The following PCDH15 variants were observed in gnomAD, a reference collection of about 807,000 sequenced individuals.
PCDH15 encodes the protein protocadherin related 15, also known as protocadherin-15.
In PCDH15, 129 loss-of-function variants were observed where a neutral mutation model predicts 178.5. That is an observed-to-expected ratio of 0.72 (90% CI 0.63 to 0.84). The LOEUF (loss-of-function observed/expected upper bound fraction) is 0.84, where lower values mean the gene tolerates loss of function less well. Ranked by LOEUF, PCDH15 falls within the 40% of genes least tolerant of loss-of-function variation. The pLI is 0.00. For synonymous variants in PCDH15, 800 were observed against 732.0 expected (o/e 1.09, Z -1.50); for missense variants, 2,230 against 2,099.9 (o/e 1.06, Z -1.21).
intron 29 of PCDH15, among the ~76,000 whole-genome samples, chr10:53,838,880 T>A (rs1044643746): frequency 4.0e-5 from 6 of 149,818 alleles, no homozygotes; most frequent in African/African-American, 1.5e-4. Flanking sequence ...GTTAGTATCC[T>A]GTTTTGCACA....
At chr10:55,618,022 TAGAA>T (rs1843514079) in intron 2 of PCDH15, among the ~76,000 whole-genome samples, 1 of 152,076 alleles carries the variant, frequency 6.6e-6, no homozygotes, top group East Asian at 1.9e-4. Context: ...ATAGTGTTTA[TAGAA>T]AGAAATACAA....
chr10:54,088,194 C>A (rs2094545005), intron 16 of PCDH15, among the ~76,000 whole-genome samples: 1 of 152,126 alleles, frequency 6.6e-6, no homozygotes, highest in Admixed American at 6.6e-5. Flanking sequence ...TTCAGTATCT[C>A]CACATTCTTA....
intron 2 of PCDH15, among the ~76,000 whole-genome samples, chr10:55,396,167 A>T (rs1283101158): frequency 2.0e-5 from 3 of 152,162 alleles, no homozygotes; most frequent in Non-Finnish European, 2.9e-5. Flanking sequence ...TCTCAGGTGA[A>T]ATATATCTTT....
At chr10:54,025,903 T>C (rs1295367584) in intron 18 of PCDH15, among the ~76,000 whole-genome samples, 1 of 152,148 alleles carries the variant, frequency 6.6e-6, no homozygotes, top group African/African-American at 2.4e-5. Flanking sequence ...TCTTCAGGCA[T>C]CCTCCTTCAC....
chr10:55,125,555 T>C (rs1036713409), intron 2 of PCDH15, among the ~76,000 whole-genome samples: 3 of 151,968 alleles, frequency 2.0e-5, no homozygotes, highest in Admixed American at 1.3e-4. Flanking sequence ...ACAGAATGTA[T>C]CCGGAGAAAC....
At chr10:54,469,549 A>G (rs954973650) in intron 3 of PCDH15, among the ~76,000 whole-genome samples, 2 of 151,994 alleles carry the variant, frequency 1.3e-5, no homozygotes, top group Non-Finnish European at 2.9e-5. Flanking sequence ...CTTGCTGGGG[A>G]CAGGGCCATC....
upstream of PCDH15, among the ~76,000 whole-genome samples, chr10:55,323,424 C>G (rs1031020421): frequency 1.3e-5 from 2 of 152,170 alleles, no homozygotes; most frequent in African/African-American, 2.4e-5. Flanking sequence ...CAGAGACACT[C>G]AACAACAGCC....
chr10:54,516,513 A>C (rs1272687285), intron 3 of PCDH15, among the ~76,000 whole-genome samples: 7 of 152,042 alleles, frequency 4.6e-5, no homozygotes, highest in African/African-American at 1.4e-4. Context: ...TTAGAGAAAA[A>C]AGAATAAAAA....
chr10:54,945,409 CAG>C (rs1838174513), intron 2 of PCDH15, among the ~76,000 whole-genome samples: 1 of 145,180 alleles, frequency 6.9e-6, no homozygotes, highest in South Asian at 2.2e-4. Flanking sequence ...AAACAAGACT[CAG>C]ATGACTACAC....
At chr10:54,423,695 C>T (rs1955848294) in intron 3 of PCDH15, among the ~76,000 whole-genome samples, 1 of 151,838 alleles carries the variant, frequency 6.6e-6, no homozygotes, top group African/African-American at 2.4e-5. Flanking sequence ...CCTTTGTTCT[C>T]TTTGTTTGTT....
intron 2 of PCDH15, among the ~76,000 whole-genome samples, chr10:55,041,283 T>C (rs1012262140): frequency 6.6e-6 from 1 of 152,098 alleles, no homozygotes; most frequent in Non-Finnish European, 1.5e-5. Flanking sequence ...CTAGCTAAAT[T>C]ACTTATCAAG....
At position 55,047,362 on chromosome 10, in the gene PCDH15, T is replaced by C. The variant is rs549781538; in HGVS notation, c.-80+119214A>G. On this transcript the variant is annotated intron_variant, in intron 2 of 5. Transcript: ENST00000458638. Reference sequence around the variant, plus strand: ...TATCCATTACATTGATTATTACTAATAAAATTATGTAAAAACTTTGTAACT... The same window carrying C: ...TATCCATTACATTGATTATTACTAACAAAATTATGTAAAAACTTTGTAACT... 9.2e-5 allele frequency among the ~76,000 whole-genome samples: 14 copies of C among 151,776 alleles called. No homozygotes were observed. In the East Asian group the frequency reaches 2.5e-3, roughly 27 times the overall value.
intron 3 of PCDH15, among the ~76,000 whole-genome samples, chr10:54,808,270 C>T (rs1327715557): frequency 2.0e-5 from 3 of 152,152 alleles, no homozygotes; most frequent in Non-Finnish European, 4.4e-5. Context: ...TTGTCTTTTG[C>T]ATTCTCCTCC....
chr10:54,516,416 G>T (rs1230048942), intron 3 of PCDH15, among the ~76,000 whole-genome samples: 2 of 152,082 alleles, frequency 1.3e-5, no homozygotes, highest in African/African-American at 4.8e-5. Context: ...GAAGAATGCA[G>T]AAGCCTCAGG....
At chr10:54,447,419 C>A (rs1209675970) in intron 3 of PCDH15, among the ~76,000 whole-genome samples, 2 of 151,708 alleles carry the variant, frequency 1.3e-5, no homozygotes, top group East Asian at 3.9e-4. Context: ...TGATGATGAC[C>A]AATTAACTCT....
At chr10:54,494,274 AT>A (rs1365677508) in intron 3 of PCDH15, among the ~76,000 whole-genome samples, 1 of 152,068 alleles carries the variant, frequency 6.6e-6, no homozygotes, top group Non-Finnish European at 1.5e-5. Flanking sequence ...ACCCTTTTGT[AT>A]TCCAGAGAAT....
At chr10:54,100,682 G>A (rs935025470) in intron 15 of PCDH15, among the ~76,000 whole-genome samples, 5 of 152,052 alleles carry the variant, frequency 3.3e-5, no homozygotes, top group African/African-American at 9.7e-5. Context: ...AAAAAAAATC[G>A]ATTTGTAAAG....
Position 54,298,669 on chromosome 10 carries a change from G to A in PCDH15, c.876+18602C>T, listed in dbSNP as rs2059948797. 2.0e-5 allele frequency among the ~76,000 whole-genome samples: 3 copies of A among 152,210 alleles called. No homozygotes were observed. The South Asian group carries it at 6.2e-4, about 32-fold the overall frequency. On this transcript the variant is annotated intron_variant, in intron 8 of 37. Coordinates refer to ENST00000644397, the MANE Select transcript of PCDH15 (RefSeq NM_001384140.1). ...CAGATGATCCAACAACAGGACTGAG[G>A]GTGCCTGGGGCAAGTGCCAGCTCAT...
At chr10:53,909,013 T>A (rs1379300942) in intron 25 of PCDH15, among the ~76,000 whole-genome samples, 1 of 152,218 alleles carries the variant, frequency 6.6e-6, no homozygotes, top group Non-Finnish European at 1.5e-5. Flanking sequence ...GACTTCCACA[T>A]AGTAGGTGAT....
Sources: gnomAD v4.1 joint callset for allele counts (sites outside exome capture counted in the v4.1 genomes callset) on GRCh38, gnomAD v4.1.1 for gene constraint, MANE v1.5 for transcripts, NCBI Gene and HGNC (gene_info 2026-07-23, HGNC 2026-07-21) for gene names.